EMP2: variants seen among roughly 807,000 people sequenced by gnomAD.
EMP2 encodes epithelial membrane protein 2.
A neutral mutation model predicts 13.7 loss-of-function variants in EMP2; 19 were observed. The ratio of observed to expected loss-of-function variants is 1.38; its 90% CI spans 0.97 to 2.03. The LOEUF is 2.03. Ranked by LOEUF, EMP2 falls within the 30% of genes most tolerant of loss-of-function variation. EMP2 has a pLI of 0.00. For missense variants in EMP2, 253 were observed against 220.7 expected, an observed-to-expected ratio of 1.15 and a Z score of -0.93; for synonymous variants, 97 against 84.7, an observed-to-expected ratio of 1.15 and a Z score of -0.80.
Position 10,534,221 on chromosome 16 carries a change from G to C in EMP2, c.317-1129C>G, listed in dbSNP as rs569404158. ...TGCTGACTGCTTTAAATATTGTCGGGGCAGGATGAAATATCTGGAGTTGCA... is the reference window on the plus strand; with the variant it reads ...TGCTGACTGCTTTAAATATTGTCGGCGCAGGATGAAATATCTGGAGTTGCA... On this transcript the variant is annotated intron_variant, in intron 4 of 4. Coordinates refer to ENST00000359543, the MANE Select transcript of EMP2 (RefSeq NM_001424.6). Among the ~76,000 whole-genome samples, 91 of 152,196 alleles carry C rather than the reference G, an allele frequency of 6.0e-4. 1 individual carries two copies. The highest frequency in any genetic ancestry group is 2.1e-3 in the African/African-American group (88 of 41,514).
chr16:10,549,524 G>A (rs117863122), intron 1 of EMP2, among the ~76,000 whole-genome samples: 2,718 of 152,270 alleles, frequency 0.018, 37 homozygotes, highest in Admixed American at 0.04. Flanking sequence ...TGATCTGGTT[G>A]GAAGATGCAG....
intron 1 of EMP2, among the ~76,000 whole-genome samples, chr16:10,574,158 GA>G (rs2050966880): frequency 6.6e-6 from 1 of 151,978 alleles, no homozygotes; most frequent in Non-Finnish European, 1.5e-5. Flanking sequence ...GGCTGATCTT[GA>G]ACTCCTGAAC....
intron 1 of EMP2, among the ~76,000 whole-genome samples, chr16:10,556,088 A>C (rs908174191): frequency 6.6e-6 from 1 of 152,060 alleles, no homozygotes; most frequent in Non-Finnish European, 1.5e-5. Flanking sequence ...TAGATCAATA[A>C]TTGTCATTTA....
chr16:10,533,342 G>A (rs1407845143), intron 4 of EMP2, among the ~76,000 whole-genome samples: 1 of 152,142 alleles, frequency 6.6e-6, no homozygotes, highest in East Asian at 1.9e-4. Context: ...GCAGCCTTAA[G>A]CTCTTATTAT....
At chr16:10,566,137 T>C (rs966094562) in intron 1 of EMP2, among the ~76,000 whole-genome samples, 6 of 152,208 alleles carry the variant, frequency 3.9e-5, no homozygotes, top group Non-Finnish European at 5.9e-5. Flanking sequence ...TACCGGACCC[T>C]AAGCTTCAGA....
intron 3 of EMP2, among the ~76,000 whole-genome samples, chr16:10,539,812 A>C (rs2050680317): frequency 6.6e-6 from 1 of 152,152 alleles, no homozygotes; most frequent in South Asian, 2.1e-4. Flanking sequence ...GGCTTCGTAA[A>C]GCCACCGAGG....
At chr16:10,571,075 G>A (rs1417285482) in intron 1 of EMP2, among the ~76,000 whole-genome samples, 4 of 151,580 alleles carry the variant, frequency 2.6e-5, no homozygotes, top group East Asian at 3.9e-4. Context: ...TGGCCAACAC[G>A]GTGAAACCCT....
intron 3 of EMP2, among the ~76,000 whole-genome samples, chr16:10,538,996 T>A (rs940614948): frequency 1.3e-5 from 2 of 151,904 alleles, no homozygotes; most frequent in African/African-American, 4.8e-5. Flanking sequence ...TTTGTAGGGA[T>A]GGAGTCTCGC....
chr16:10,539,322 C>T (rs534387974), intron 3 of EMP2, among the ~76,000 whole-genome samples: 1 of 152,248 alleles, frequency 6.6e-6, no homozygotes, highest in East Asian at 1.9e-4. Context: ...TTGGTAAGTA[C>T]TTAATGAAAC....
intron 4 of EMP2, among the ~76,000 whole-genome samples, chr16:10,534,430 G>C (rs528590883): frequency 1.3e-5 from 2 of 152,120 alleles, no homozygotes; most frequent in Admixed American, 1.3e-4. Context: ...CAGTTAATTC[G>C]ATTTTCTCTC....
chr16:10,572,891 CTG>C (rs530494349), intron 1 of EMP2, among the ~76,000 whole-genome samples: 189 of 152,310 alleles, frequency 1.2e-3, no homozygotes, highest in African/African-American at 4.5e-3. Flanking sequence ...GGCTGGAAAA[CTG>C]TGATGAGTTA....
chr16:10,536,479 T>C (rs1476481128), intron 4 of EMP2, among the ~76,000 whole-genome samples: 1 of 152,152 alleles, frequency 6.6e-6, no homozygotes, highest in Non-Finnish European at 1.5e-5. Context: ...ATGATGGTTT[T>C]ATAAATGGGA....
At chr16:10,553,231 G>A (rs1466904623) in intron 1 of EMP2, among the ~76,000 whole-genome samples, 2 of 152,160 alleles carry the variant, frequency 1.3e-5, no homozygotes, top group Non-Finnish European at 2.9e-5. Flanking sequence ...TATTCCCGAC[G>A]CCAGTCAGCC....
rs183444755 is a variant in EMP2 at position 10,576,957 on chromosome 16, C to T, written c.-61+3592G>A. On this transcript the variant is annotated intron_variant, in intron 1 of 4. Coordinates refer to ENST00000359543, the MANE Select transcript of EMP2 (RefSeq NM_001424.6). ...AGTGGGAAGTGACCTACTGCCTGAG[C>T]GGAGCTCTTGCTCACCATTGTCCCA... is the stretch of plus-strand genomic sequence containing the variant. Among the ~76,000 whole-genome samples the T allele has an allele frequency of 5.1e-3, 774 of 152,308 alleles. 7 individuals are homozygous for T. The highest frequency in any genetic ancestry group is 5.4e-3 in the Non-Finnish European group (368 of 68,026).
chr16:10,563,437 C>A (rs34518267), intron 1 of EMP2, among the ~76,000 whole-genome samples: 25,440 of 152,228 alleles, frequency 0.17, 2,440 homozygotes, highest in Non-Finnish European at 0.22. Context: ...AATGATCCAC[C>A]TGCCTTGGTC....
intron 2 of EMP2, 32 bp from the exon 3 acceptor site, chr16:10,543,692 C>G (rs1231107404): frequency 6.8e-6 from 11 of 1,607,260 alleles, no homozygotes; most frequent in Non-Finnish European, 9.4e-6. Flanking sequence ...GAGAGAAAGG[C>G]CGTCCGTTCA....
intron 4 of EMP2, among the ~76,000 whole-genome samples, chr16:10,534,393 T>C (rs2050631677): frequency 6.6e-6 from 1 of 152,182 alleles, no homozygotes; most frequent in African/African-American, 2.4e-5. Flanking sequence ...TATGTAAAAA[T>C]AGTAACTATC....
At chr16:10,556,806 C>T (rs1459712147) in intron 1 of EMP2, among the ~76,000 whole-genome samples, 1 of 152,222 alleles carries the variant, frequency 6.6e-6, no homozygotes, top group Non-Finnish European at 1.5e-5. Context: ...AGGACTGGAA[C>T]TCACTAGTTT....
Position 10,530,495 on chromosome 16 carries a change from C to G in EMP2, c.*2410G>C, listed in dbSNP as rs1427826934. On this transcript the variant is annotated 3_prime_UTR_variant, in exon 5 of 5. Transcript: ENST00000359543. ...TATTTAAATAGCACGAGGTCCCACA[C>G]CCCATCCCAGGACAGCCCCCAGCAT... 1 of 152,604 alleles carries G rather than the reference C, an allele frequency of 6.6e-6. No homozygotes were observed. Among genetic ancestry groups the G allele is most frequent in the East Asian group, 1.9e-4 (1 of 5,186 alleles). 9.5% of individuals were successfully genotyped at this position (152,604 alleles called of 1,614,324 possible).
Sources: allele counts gnomAD v4.1 joint callset (sites outside exome capture counted in the v4.1 genomes callset), GRCh38; gene constraint gnomAD v4.1.1; transcripts MANE v1.5; gene names NCBI Gene and HGNC (gene_info 2026-07-23, HGNC 2026-07-21).